The following C2orf76 variants were observed in gnomAD, a reference collection of about 807,000 sequenced individuals.
C2orf76 encodes the protein UPF0538 protein C2orf76.
In C2orf76, 23 loss-of-function variants were observed where a neutral mutation model predicts 16.9. The observed-to-expected ratio is 1.36, with a 90% CI of 0.98 to 1.93. The LOEUF is 1.93. C2orf76 is among the 30% of genes most tolerant of loss of function. The pLI, the probability that C2orf76 is intolerant of heterozygous loss-of-function variation, is 0.00. For synonymous variants in C2orf76, 48 were observed against 52.3 expected, an observed-to-expected ratio of 0.92 and a Z score of 0.35; for missense variants, 152 against 152.6, an observed-to-expected ratio of 1.00 and a Z score of 0.02.
At chr2:119,366,955 C>A, upstream of C2orf76, 6 of 1,507,802 alleles carry the variant, frequency 4.0e-6, no homozygotes, top group South Asian at 4.6e-5. Flanking sequence ...GCGAGTGGAC[C>A]GCGCCTCTAA....
intron 2 of C2orf76, among the ~76,000 whole-genome samples, chr2:119,333,801 G>A (rs1241299204): frequency 6.6e-6 from 1 of 152,216 alleles, no homozygotes; most frequent in Non-Finnish European, 1.5e-5. Flanking sequence ...GTAACATTCT[G>A]TAAGACACTG....
chr2:119,334,120 A>T (rs944939662), intron 2 of C2orf76, among the ~76,000 whole-genome samples: 1 of 152,132 alleles, frequency 6.6e-6, no homozygotes, highest in Non-Finnish European at 1.5e-5. Flanking sequence ...TAAGTAAAAG[A>T]AGCCATTCTG....
intron 5 of C2orf76, 133 bp downstream of exon 5, chr2:119,311,489 A>G: frequency 6.9e-7 from 1 of 1,439,386 alleles, no homozygotes; most frequent in Middle Eastern, 2.5e-4. Context: ...CCTCCTCTGA[A>G]CAGTTACCGG....
chr2:119,281,879 C>T, the C2orf76 span, among the ~76,000 whole-genome samples: 5 of 152,088 alleles, frequency 3.3e-5, no homozygotes, highest in Admixed American at 6.5e-5. Flanking sequence ...TGAAAGAAAA[C>T]TGAAGTAACA....
chr2:119,337,066 TA>T (rs67468380), intron 2 of C2orf76, among the ~76,000 whole-genome samples: 20,530 of 150,210 alleles, frequency 0.14, 1,501 homozygotes, highest in East Asian at 0.21. Flanking sequence ...TTTATTTATT[TA>T]TTTTTTGAGA....
chr2:119,300,008 T>C (rs1375553790), downstream of C2orf76, among the ~76,000 whole-genome samples: 6 of 152,158 alleles, frequency 3.9e-5, no homozygotes, highest in East Asian at 1.2e-3. Flanking sequence ...CATTCTAAGG[T>C]CATTCTACCT....
chr2:119,356,661 A>G (rs1335361544), intron 1 of C2orf76, among the ~76,000 whole-genome samples: 2 of 152,024 alleles, frequency 1.3e-5, no homozygotes, highest in Non-Finnish European at 2.9e-5. Flanking sequence ...GTGGAAATCA[A>G]TACAATTGAA....
At chr2:119,324,916 C>T (rs72829480) in intron 2 of C2orf76, among the ~76,000 whole-genome samples, 16,696 of 152,188 alleles carry the variant, frequency 0.11, 1,064 homozygotes, top group African/African-American at 0.17. Flanking sequence ...TTTAATCTTG[C>T]GCTATTACAA....
intron 3 of C2orf76, among the ~76,000 whole-genome samples, chr2:119,318,371 A>C (rs562689494): frequency 6.6e-6 from 1 of 152,318 alleles, no homozygotes; most frequent in East Asian, 1.9e-4. Flanking sequence ...ACGTTGTAAC[A>C]AGGAATTCCA....
chr2:119,297,452 T>C (rs1391822564), downstream of C2orf76, among the ~76,000 whole-genome samples: 1 of 152,266 alleles, frequency 6.6e-6, no homozygotes, highest in African/African-American at 2.4e-5. Context: ...CACCAAGCTA[T>C]GCAAAGGAGT....
the C2orf76 span, among the ~76,000 whole-genome samples, chr2:119,287,194 A>C: frequency 1.3e-5 from 2 of 152,360 alleles, no homozygotes; most frequent in East Asian, 3.9e-4. Context: ...CAGGGCAAGC[A>C]CTTGATAAAT....
the C2orf76 span, among the ~76,000 whole-genome samples, chr2:119,286,859 T>C: frequency 3.2e-4 from 48 of 152,256 alleles, no homozygotes; most frequent in African/African-American, 1.1e-3. Context: ...GAGATGTTCA[T>C]TCCAGCAATT....
the C2orf76 span, among the ~76,000 whole-genome samples, chr2:119,291,135 C>A: frequency 6.6e-6 from 1 of 151,986 alleles, no homozygotes; most frequent in Non-Finnish European, 1.5e-5. Context: ...GACTTCTCCG[C>A]GTAACGAGGC....
At chr2:119,311,058 C>T in intron 5 of C2orf76, 4 of 661,884 alleles carry the variant, frequency 6.0e-6, no homozygotes, top group Non-Finnish European at 7.5e-6. Flanking sequence ...ACAGTGACAT[C>T]TAATGGTCAC....
intron 2 of C2orf76, among the ~76,000 whole-genome samples, chr2:119,334,379 C>CAAA (rs34753333): frequency 2.7e-3 from 194 of 71,572 alleles, no homozygotes; most frequent in Middle Eastern, 0.013. Context: ...GTATGCAAAG[C>CAAA]AAAAAAAAAA....
At chr2:119,337,875 C>G (rs1011398526) in intron 2 of C2orf76, among the ~76,000 whole-genome samples, 11 of 152,134 alleles carry the variant, frequency 7.2e-5, no homozygotes, top group Non-Finnish European at 1.2e-4. Context: ...AAAAGAACAC[C>G]GTGACCCTGG....
chr2:119,337,058 TATTTA>T (rs772196058), intron 2 of C2orf76, among the ~76,000 whole-genome samples: 22 of 141,680 alleles, frequency 1.6e-4, no homozygotes, highest in South Asian at 2.4e-4. Flanking sequence ...TTTATTTATT[TATTTA>T]TTTATTTTTT....
intron 1 of C2orf76, among the ~76,000 whole-genome samples, chr2:119,348,439 C>A (rs1366124911): frequency 6.6e-6 from 1 of 152,238 alleles, no homozygotes; most frequent in Non-Finnish European, 1.5e-5. Flanking sequence ...GTAATCCCAG[C>A]ACTTTGGGAG....
At chr2:119,333,175 TTA>T (rs1679731282) in intron 2 of C2orf76, among the ~76,000 whole-genome samples, 1 of 152,200 alleles carries the variant, frequency 6.6e-6, no homozygotes, top group African/African-American at 2.4e-5. Context: ...CAATAATACA[TTA>T]TGACTGTGCT....
Sources: allele counts gnomAD v4.1 joint callset (sites outside exome capture counted in the v4.1 genomes callset), GRCh38; gene constraint gnomAD v4.1.1; transcripts MANE v1.5; gene names NCBI Gene and HGNC (gene_info 2026-07-23, HGNC 2026-07-21).